TRMT11: variants seen among roughly 807,000 people sequenced by gnomAD.
The protein encoded by TRMT11 is tRNA (guanine(10)-N(2))-methyltransferase TRMT11.
TRMT11 carries 53 observed loss-of-function variants against 62.8 expected under a neutral mutation model. The ratio of observed to expected loss-of-function variants is 0.84; its 90% confidence interval spans 0.68 to 1.06. The LOEUF is 1.06. TRMT11 is among the 50% of genes least tolerant of loss of function. The pLI, the probability that TRMT11 is intolerant of heterozygous loss-of-function variation, is 0.00. For synonymous variants in TRMT11, 188 were observed against 190.3 expected (o/e 0.99, Z 0.10); for missense variants, 556 against 553.4 (o/e 1.00, Z -0.05).
At chr6:126,037,212 C>G (rs1021580892) in intron 12 of TRMT11, among the ~76,000 whole-genome samples, 2 of 152,000 alleles carry the variant, frequency 1.3e-5, no homozygotes, top group African/African-American at 4.8e-5. Context: ...TGTTCAAAGC[C>G]TAGCTCTGCC....
chr6:126,262,897 A>G, the TRMT11 span, among the ~76,000 whole-genome samples: 1 of 151,440 alleles, frequency 6.6e-6, no homozygotes, highest in Admixed American at 6.6e-5. Context: ...GCTTTTCAGC[A>G]TACTTCCTAA....
intron 17 of TRMT11, among the ~76,000 whole-genome samples, chr6:126,065,851 AGTT>A (rs1444773771): frequency 3.5e-4 from 53 of 152,198 alleles, no homozygotes; most frequent in African/African-American, 1.2e-3. Flanking sequence ...TGTAGACTGA[AGTT>A]GTCCTTCACG....
intron 11 of TRMT11, among the ~76,000 whole-genome samples, chr6:126,017,188 CTT>C (rs1228827623): frequency 1.3e-5 from 2 of 152,034 alleles, no homozygotes; most frequent in Non-Finnish European, 2.9e-5. Flanking sequence ...AATTTTAAGT[CTT>C]TTGTATTTTT....
the TRMT11 span, among the ~76,000 whole-genome samples, chr6:126,254,896 A>T: frequency 6.6e-6 from 1 of 152,134 alleles, no homozygotes; most frequent in Non-Finnish European, 1.5e-5. Context: ...ACCTTTCTAA[A>T]TGTCTTTGCA....
the TRMT11 span, among the ~76,000 whole-genome samples, chr6:126,245,940 AAAAAG>A: frequency 3.3e-5 from 5 of 152,330 alleles, no homozygotes; most frequent in South Asian, 2.1e-4. Context: ...TCTATTATAA[AAAAAG>A]AAAAGAAAAG....
At chr6:125,987,341 AG>A (rs1009187694) in intron 1 of TRMT11, among the ~76,000 whole-genome samples, 5 of 152,154 alleles carry the variant, frequency 3.3e-5, no homozygotes, top group African/African-American at 1.2e-4. Context: ...TAGGAGTTAG[AG>A]GGCCAAGGAG....
Position 126,115,648 on chromosome 6 carries a change from A to G in TRMT11, c.*1711-95A>G, listed in dbSNP as rs560815730. Among the ~76,000 whole-genome samples the G allele has an allele frequency of 7.2e-5, 11 of 152,264 alleles. No individual in the cohort carries two copies. In the South Asian group the frequency reaches 2.3e-3, roughly 32 times the overall value. On this transcript the variant is annotated intron_variant and NMD_transcript_variant, in intron 20 of 22. Transcript: ENST00000648977. ...AGAAGAAACATTAGAACATTGCTCA[A>G]CTTATCACCTGTGTGGTTATTAAGC... is the stretch of plus-strand genomic sequence containing the variant.
chr6:126,111,977 G>T (rs941651401), intron 17 of TRMT11, among the ~76,000 whole-genome samples: 5 of 152,062 alleles, frequency 3.3e-5, no homozygotes, highest in African/African-American at 1.2e-4. Flanking sequence ...ACTGAATGAT[G>T]GTCTTAGTTT....
chr6:126,253,694 A>G, the TRMT11 span, among the ~76,000 whole-genome samples: 1 of 152,172 alleles, frequency 6.6e-6, no homozygotes, highest in African/African-American at 2.4e-5. Flanking sequence ...GTTGACTGAA[A>G]TGTCATTATG....
intron 17 of TRMT11, among the ~76,000 whole-genome samples, chr6:126,110,700 A>G (rs1334449249): frequency 1.3e-5 from 2 of 152,134 alleles, no homozygotes; most frequent in Non-Finnish European, 2.9e-5. Flanking sequence ...ATGTGCGTGC[A>G]CACACACGTG....
downstream of TRMT11, chr6:126,202,360 A>G (rs1253290074): frequency 2.0e-5 from 3 of 152,350 alleles, no homozygotes; most frequent in South Asian, 2.1e-4. Context: ...TAAGAACTCA[A>G]TGGGTTAGTC....
In TRMT11 at chr6:126,120,023, C is replaced by A. The variant is rs184578219; in HGVS notation, c.*1823+4168C>A. ...GCTCAGGGGCTCATGCCTGTAATCC[C>A]AGCACTTTGGGAGGCTGAGGTGGGC... On this transcript the variant is annotated intron_variant and NMD_transcript_variant, in intron 21 of 22. Coordinates refer to the TRMT11 transcript ENST00000648977. Among the ~76,000 whole-genome samples, 535 of 152,206 alleles carry A rather than the reference C, an allele frequency of 3.5e-3. 4 individuals are homozygous for A. The highest frequency in any genetic ancestry group is 0.012 in the African/African-American group (514 of 41,552).
chr6:126,087,809 C>T (rs2128163726), intron 17 of TRMT11, among the ~76,000 whole-genome samples: 1 of 152,340 alleles, frequency 6.6e-6, no homozygotes, highest in East Asian at 1.9e-4. Context: ...GTTTCTTCCT[C>T]TTTTCTCTCT....
chr6:126,183,147 C>A (rs1412242766), intron 1 of TRMT11, among the ~76,000 whole-genome samples: 1 of 152,132 alleles, frequency 6.6e-6, no homozygotes, highest in African/African-American at 2.4e-5. Context: ...AGAATTAAAA[C>A]TTTCCCTTTT....
chr6:126,187,823 C>G (rs957817685), intron 1 of TRMT11, among the ~76,000 whole-genome samples: 2 of 151,470 alleles, frequency 1.3e-5, no homozygotes, highest in African/African-American at 4.9e-5. Context: ...CATGTATATA[C>G]AGTAAATTGC....
upstream of TRMT11, among the ~76,000 whole-genome samples, chr6:126,172,420 T>C (rs1346498308): frequency 6.6e-6 from 1 of 152,192 alleles, no homozygotes; most frequent in Non-Finnish European, 1.5e-5. Flanking sequence ...GCAGAATCTC[T>C]AGTCAAGGTT....
At chr6:126,044,875 A>G (rs1054107807) in intron 16 of TRMT11, among the ~76,000 whole-genome samples, 2 of 151,726 alleles carry the variant, frequency 1.3e-5, no homozygotes, top group African/African-American at 4.8e-5. Flanking sequence ...GGTATAAGGA[A>G]GAACTGATTG....
intron 21 of TRMT11, among the ~76,000 whole-genome samples, chr6:126,161,951 T>A (rs780595419): frequency 1.3e-5 from 2 of 151,942 alleles, no homozygotes; most frequent in Non-Finnish European, 2.9e-5. Flanking sequence ...GATATCCATC[T>A]GGATATTAGC....
chr6:126,091,073 G>A (rs1022751043), intron 17 of TRMT11, among the ~76,000 whole-genome samples: 4 of 152,162 alleles, frequency 2.6e-5, no homozygotes, highest in South Asian at 2.1e-4. Flanking sequence ...AGCAGGGTGC[G>A]GTGGCAGGCG....
Sources: gnomAD v4.1 joint callset for allele counts (sites outside exome capture counted in the v4.1 genomes callset) on GRCh38, gnomAD v4.1.1 for gene constraint, MANE v1.5 for transcripts, NCBI Gene and HGNC (gene_info 2026-07-23, HGNC 2026-07-21) for gene names.